The following RTF2 variants were observed in gnomAD, a reference collection of about 807,000 sequenced individuals.
RTF2 encodes replication termination factor 2.
A neutral mutation model predicts 38.0 loss-of-function variants in RTF2; 18 were observed. That is an observed-to-expected ratio of 0.47 (90% confidence interval 0.33 to 0.70). RTF2 has a LOEUF of 0.70. RTF2 is among the 30% of genes least tolerant of loss of function. The probability of loss-of-function intolerance (pLI) is 0.02; values close to 1 mark genes in which losing one functional copy is unlikely to be tolerated. For synonymous variants in RTF2, 126 were observed against 137.1 expected (o/e 0.92, Z 0.57); for missense variants, 311 against 379.6 (o/e 0.82, Z 1.50).
At chr20:56,476,458 T>G (rs570878170) in intron 3 of RTF2, among the ~76,000 whole-genome samples, 2 of 152,116 alleles carry the variant, frequency 1.3e-5, no homozygotes, top group South Asian at 4.2e-4. Context: ...ATAACTGATT[T>G]ACTTGCTAGT....
intron 5 of RTF2, among the ~76,000 whole-genome samples, chr20:56,505,930 G>T (rs1050368312): frequency 3.3e-5 from 5 of 152,088 alleles, no homozygotes; most frequent in Admixed American, 2.6e-4. Flanking sequence ...ATACAGTGGG[G>T]TTTTTTTATG....
chr20:56,473,201 C>A (rs1294430677), intron 1 of RTF2, 100 bp from the exon 2 acceptor site: 6 of 843,954 alleles, frequency 7.1e-6, no homozygotes, highest in Non-Finnish European at 1.1e-5. Context: ...AAACAAAAAT[C>A]ATTACAGTGC....
Position 56,486,346 on chromosome 20 carries a change from G to A in RTF2, c.477+2157G>A, listed in dbSNP as rs77685185. On this transcript the variant is annotated intron_variant, in intron 5 of 8. Transcript: ENST00000357348. Reference sequence around the variant, plus strand: ...GTACTGTTTCTCTATATTTAGCCTAGGAATATAAAGTTAACTGTTAGGTTG... The same window carrying A: ...GTACTGTTTCTCTATATTTAGCCTAAGAATATAAAGTTAACTGTTAGGTTG... 4.9e-3 allele frequency among the ~76,000 whole-genome samples: 750 copies of A among 152,218 alleles called. 3 individuals are homozygous for A. Among genetic ancestry groups the A allele is most frequent in the Non-Finnish European group, 6.4e-3 (436 of 68,010 alleles).
At chr20:56,481,963 C>T (rs1036230439) in intron 4 of RTF2, among the ~76,000 whole-genome samples, 2 of 152,200 alleles carry the variant, frequency 1.3e-5, no homozygotes, top group East Asian at 1.9e-4. Flanking sequence ...TTAGCAGAAA[C>T]GAGCTCCACA....
intron 5 of RTF2, among the ~76,000 whole-genome samples, chr20:56,489,838 C>T (rs766003967): frequency 3.9e-5 from 6 of 152,122 alleles, no homozygotes; most frequent in Non-Finnish European, 5.9e-5. Flanking sequence ...TATAAAATAC[C>T]GGGGACATAA....
chr20:56,497,220 G>C, intron 5 of RTF2: 1 of 1,551,736 alleles, frequency 6.4e-7, no homozygotes, highest in Non-Finnish European at 8.7e-7. Context: ...TACATAAATA[G>C]CTCTGAGAAG....
rs914003015 is a variant in RTF2 at position 56,509,449 on chromosome 20, C to G, written c.478-3866C>G. Among the ~76,000 whole-genome samples, 3 of 152,068 alleles carry G rather than the reference C, an allele frequency of 2.0e-5. No individual in the cohort carries two copies. In the South Asian group the frequency reaches 6.2e-4, roughly 32 times the overall value. On this transcript the variant is annotated intron_variant, in intron 5 of 8. Transcript: ENST00000357348. ...CAACATGGTTGAAATGCCATCTCTA[C>G]TAAAAATACAAAAATTAGCTGGGCA...
intron 5 of RTF2, among the ~76,000 whole-genome samples, chr20:56,512,433 CAGAA>C (rs1984734205): frequency 1.3e-5 from 2 of 152,166 alleles, no homozygotes; most frequent in South Asian, 2.1e-4. Flanking sequence ...GGAGCCAACA[CAGAA>C]AGAGTGCTGG....
intron 5 of RTF2, among the ~76,000 whole-genome samples, chr20:56,509,317 A>T (rs926745715): frequency 1.3e-5 from 2 of 152,208 alleles, no homozygotes; most frequent in Non-Finnish European, 2.9e-5. Flanking sequence ...TAGGATGGTT[A>T]TAACTAAAAG....
Position 56,518,421 on chromosome 20 carries a change from A to ATG in RTF2, c.*159_*160dup. ...CTTCAAGCTGGTGTGGCCACTCTTG[A>ATG]TGTGAGGCGTGTCGGTTCCAGGGGG... On this transcript the variant is annotated 3_prime_UTR_variant, in exon 9 of 9. Coordinates refer to ENST00000357348, the MANE Select transcript of RTF2 (RefSeq NM_016407.5). 1.5e-6 allele frequency: 1 copy of ATG among 679,670 alleles called. No individual in the cohort carries two copies. The highest frequency in any genetic ancestry group is 3.0e-5 in the East Asian group (1 of 33,618). 42.1% of individuals were successfully genotyped at this position (679,670 alleles called of 1,614,324 possible). A position where few individuals can be genotyped will look rare whatever the true frequency, so the allele number is the denominator to read the frequency against.
Position 56,500,790 on chromosome 20 carries a change from C to T in RTF2, c.478-12525C>T, listed in dbSNP as rs550876754. On this transcript the variant is annotated intron_variant, in intron 5 of 8. Transcript: ENST00000357348. ...TAGTTTGTCATTGTTTCAACATAAACTTTTTTTTGAGACAAGGCCTCACTC... is the reference window on the plus strand; with the variant it reads ...TAGTTTGTCATTGTTTCAACATAAATTTTTTTTTGAGACAAGGCCTCACTC... 5.3e-5 allele frequency among the ~76,000 whole-genome samples: 8 copies of T among 151,898 alleles called. No individual in the cohort carries two copies. The East Asian group carries it at 1.6e-3, about 29-fold the overall frequency.
In RTF2 at chr20:56,498,877, T is replaced by C. The variant is rs543579942; in HGVS notation, c.478-14438T>C. ...TATTTGAGCTCAGGTTGGACACTGG[T>C]CCCTTGCCTTTCCACATCATTTTTA... On this transcript the variant is annotated intron_variant, in intron 5 of 8. Coordinates refer to ENST00000357348, the MANE Select transcript of RTF2 (RefSeq NM_016407.5). Among the ~76,000 whole-genome samples, 24 of 152,348 alleles carry C rather than the reference T, an allele frequency of 1.6e-4. No individual in the cohort carries two copies. The East Asian group carries it at 4.6e-3, about 29-fold the overall frequency.
At chr20:56,499,965 A>G (rs1210549306) in intron 5 of RTF2, among the ~76,000 whole-genome samples, 1 of 151,526 alleles carries the variant, frequency 6.6e-6, no homozygotes, top group Non-Finnish European at 1.5e-5. Flanking sequence ...TGAACTCCTG[A>G]CCTCATGTGA....
At chr20:56,508,681 A>C (rs1010234701) in intron 5 of RTF2, among the ~76,000 whole-genome samples, 1 of 152,254 alleles carries the variant, frequency 6.6e-6, no homozygotes, top group Non-Finnish European at 1.5e-5. Context: ...GGGCATATAC[A>C]TCAATGGAAT....
At chr20:56,474,976 T>A (rs1177377034) in intron 3 of RTF2, among the ~76,000 whole-genome samples, 2 of 152,254 alleles carry the variant, frequency 1.3e-5, no homozygotes, top group Non-Finnish European at 2.9e-5. Flanking sequence ...ATAAATCTGT[T>A]GTAATTTCAC....
intron 5 of RTF2, among the ~76,000 whole-genome samples, chr20:56,485,700 A>G (rs1399859159): frequency 6.6e-6 from 1 of 152,200 alleles, no homozygotes; most frequent in Non-Finnish European, 1.5e-5. Flanking sequence ...AAGAAATTCA[A>G]ATAAAACATT....
At chr20:56,472,456 G>A (rs752634649) in intron 1 of RTF2, 2 of 1,210,136 alleles carry the variant, frequency 1.7e-6, no homozygotes, top group South Asian at 2.6e-5. Context: ...AGGGTCTTAT[G>A]TCTGGATTTT....
intron 5 of RTF2, among the ~76,000 whole-genome samples, chr20:56,512,087 T>A (rs1984712862): frequency 6.6e-6 from 1 of 152,086 alleles, no homozygotes; most frequent in Non-Finnish European, 1.5e-5. Flanking sequence ...CAAATGGTGA[T>A]CCGCCCACCT....
intron 5 of RTF2, among the ~76,000 whole-genome samples, chr20:56,491,302 T>C (rs1254893006): frequency 6.6e-6 from 1 of 152,238 alleles, no homozygotes; most frequent in African/African-American, 2.4e-5. Context: ...AGCAGCTTTT[T>C]ACTGAAGCAT....
Sources: allele counts gnomAD v4.1 joint callset (sites outside exome capture counted in the v4.1 genomes callset), GRCh38; gene constraint gnomAD v4.1.1; transcripts MANE v1.5; gene names NCBI Gene and HGNC (gene_info 2026-07-23, HGNC 2026-07-21).